Variants in FANCB observed in about 807,000 individuals in gnomAD.
The protein encoded by FANCB is Fanconi anemia group B protein.
FANCB carries 5 observed loss-of-function variants against 38.9 expected under a neutral mutation model. That is an observed-to-expected ratio of 0.13 (90% CI 0.07 to 0.27). The LOEUF is 0.27. FANCB is among the 10% of genes least tolerant of loss of function. The probability of loss-of-function intolerance (pLI) is 1.00; values close to 1 mark genes in which losing one functional copy is unlikely to be tolerated. For synonymous variants in FANCB, 236 were observed against 215.4 expected, an observed-to-expected ratio of 1.10 and a Z score of -0.84; for missense variants, 573 against 602.7, an observed-to-expected ratio of 0.95 and a Z score of 0.52.
chrX:14,761,319 T>A, the FANCB span, among the ~76,000 whole-genome samples: 1 of 111,441 alleles, frequency 9.0e-6, no homozygotes, highest in African/African-American at 3.3e-5. Context: ...ATTTTTAAGA[T>A]TAACATAAAA....
At chrX:14,822,389 T>C in the FANCB span, among the ~76,000 whole-genome samples, 45 of 109,458 alleles carry the variant, frequency 4.1e-4, no homozygotes, top group African/African-American at 1.3e-3. Context: ...CACTTGAATG[T>C]TAATTTCATT....
At chrX:14,801,317 T>C in the FANCB span, among the ~76,000 whole-genome samples, 1 of 112,131 alleles carries the variant, frequency 8.9e-6, no homozygotes, top group Non-Finnish European at 1.9e-5. Flanking sequence ...CATCAGCTGA[T>C]ACTGATCTCA....
the FANCB span, among the ~76,000 whole-genome samples, chrX:14,764,154 C>G: frequency 9.0e-6 from 1 of 111,672 alleles, no homozygotes; most frequent in Admixed American, 9.5e-5. Flanking sequence ...TTGGGGTCTC[C>G]CAAGGCTGCA....
the FANCB span, among the ~76,000 whole-genome samples, chrX:14,796,659 T>TACAC: frequency 6.5e-4 from 24 of 36,883 alleles, no homozygotes; most frequent in African/African-American, 2.0e-3. Context: ...TAAGTGCATA[T>TACAC]ATACACACAC....
chrX:14,724,653 CA>C, the FANCB span, among the ~76,000 whole-genome samples: 1 of 65,114 alleles, frequency 1.5e-5, no homozygotes, highest in Non-Finnish European at 2.8e-5. Context: ...AAAAAAAAAA[CA>C]AGAAGAAGAA....
the FANCB span, among the ~76,000 whole-genome samples, chrX:14,814,806 C>A: frequency 3.7e-4 from 42 of 112,016 alleles, no homozygotes; most frequent in East Asian, 0.011. Flanking sequence ...TTGACCCAGC[C>A]ATCCCATTAC....
the FANCB span, among the ~76,000 whole-genome samples, chrX:14,785,517 G>A: frequency 4.5e-5 from 5 of 111,914 alleles, no homozygotes; most frequent in East Asian, 8.5e-4. Context: ...CATTCTTACC[G>A]AGTGTTAAAT....
At chrX:14,708,467 A>C in the FANCB span, among the ~76,000 whole-genome samples, 1 of 110,957 alleles carries the variant, frequency 9.0e-6, no homozygotes, top group Non-Finnish European at 1.9e-5. Context: ...ACCTCACTAA[A>C]ACTTGCTAAG....
At chrX:14,724,653 C>G in the FANCB span, among the ~76,000 whole-genome samples, 5 of 65,098 alleles carry the variant, frequency 7.7e-5, no homozygotes, top group Middle Eastern at 9.0e-3. Flanking sequence ...AAAAAAAAAA[C>G]AAGAAGAAGA....
In FANCB at chrX:14,865,149, C is replaced by T. The variant is rs142289802; in HGVS notation, c.362G>A (p.Arg121His). Residue 121 changes from arginine (R) to histidine (H), a missense_variant, in exon 3 of 10, where the codon CGT becomes CAT. Transcript: ENST00000650831. ...ILHSTNKFEM[R>H]LSFKLGYEMK... ...CTCATAGCCTAGTTTAAAACTCAAA[C>T]GCATTTCAAATTTATTAGTACTGTG... 60 of 1,194,771 alleles carry T rather than the reference C, an allele frequency of 5.0e-5. No homozygotes were observed. In the Middle Eastern group the frequency reaches 7.0e-4, roughly 14 times the overall value.
intron 5 of FANCB, among the ~76,000 whole-genome samples, chrX:14,853,636 T>C (rs185744881): frequency 8.9e-5 from 10 of 112,377 alleles, no homozygotes; most frequent in African/African-American, 2.9e-4. Context: ...TTTCTGTTCA[T>C]GTAACCTTCA....
the FANCB span, among the ~76,000 whole-genome samples, chrX:14,750,823 T>A: frequency 4.1e-4 from 44 of 107,852 alleles, no homozygotes; most frequent in Non-Finnish European, 6.7e-4. Flanking sequence ...TATCCTTAAA[T>A]CATATGAAAA....
the FANCB span, chrX:14,730,183 C>T: frequency 8.6e-7 from 1 of 1,156,618 alleles, no homozygotes; most frequent in Admixed American, 2.2e-5. Context: ...CCAATCTGTG[C>T]TTCCTCTGTC....
At chrX:14,748,008 G>C in the FANCB span, among the ~76,000 whole-genome samples, 1 of 111,660 alleles carries the variant, frequency 9.0e-6, no homozygotes, top group Non-Finnish European at 1.9e-5. Flanking sequence ...TTACCTGTTT[G>C]TCTTATTTTT....
chrX:14,811,287 T>G, the FANCB span, among the ~76,000 whole-genome samples: 2 of 111,414 alleles, frequency 1.8e-5, no homozygotes, highest in African/African-American at 6.5e-5. Context: ...GCTAACATCA[T>G]AATGACAGGA....
the FANCB span, among the ~76,000 whole-genome samples, chrX:14,770,063 G>A: frequency 8.9e-6 from 1 of 112,397 alleles, no homozygotes; most frequent in African/African-American, 3.2e-5. Context: ...TTCTGATTAT[G>A]TGATCAATTT....
the FANCB span, among the ~76,000 whole-genome samples, chrX:14,747,952 C>T: frequency 1.8e-5 from 2 of 111,840 alleles, no homozygotes; most frequent in African/African-American, 6.5e-5. Flanking sequence ...TAACACAAAA[C>T]CAATGTCAAG....
At chrX:14,724,626 C>CAA in the FANCB span, among the ~76,000 whole-genome samples, 20 of 49,579 alleles carry the variant, frequency 4.0e-4, 1 homozygote, top group East Asian at 0.019. Context: ...AACTCTGTCT[C>CAA]AAAAAAAAAA....
the FANCB span, among the ~76,000 whole-genome samples, chrX:14,701,529 A>G: frequency 9.0e-6 from 1 of 111,295 alleles, no homozygotes; most frequent in Admixed American, 9.6e-5. Context: ...GTTTTGCCAG[A>G]CAGGATGGAT....
Sources: gnomAD v4.1 joint callset for allele counts (sites outside exome capture counted in the v4.1 genomes callset) on GRCh38, gnomAD v4.1.1 for gene constraint, MANE v1.5 for transcripts, NCBI Gene and HGNC (gene_info 2026-07-23, HGNC 2026-07-21) for gene names.